The following RANBP2 variants were observed in gnomAD, a reference collection of about 807,000 sequenced individuals.
RANBP2 encodes the protein RAN binding protein 2.
Under a neutral mutation model 303.6 loss-of-function variants are expected in RANBP2, and 57 were observed. The observed-to-expected ratio is 0.19, with a 90% CI of 0.15 to 0.23. The LOEUF is 0.23. Ranked by LOEUF, RANBP2 falls within the 10% of genes least tolerant of loss-of-function variation. RANBP2 has a pLI of 1.00. For missense variants in RANBP2, 3,138 were observed against 3,780.8 expected (o/e 0.83, Z 4.46); for synonymous variants, 1,167 against 1,301.5 (o/e 0.90, Z 2.23).
intron 15 of RANBP2, 47 bp from the exon 16 acceptor site, chr2:108,754,858 G>A: frequency 6.2e-7 from 1 of 1,608,598 alleles, no homozygotes; most frequent in South Asian, 1.1e-5. Flanking sequence ...TTTACTTTTG[G>A]AATTTTTTGC....
the RANBP2 span, among the ~76,000 whole-genome samples, chr2:108,822,312 A>G: frequency 6.6e-6 from 1 of 152,220 alleles, no homozygotes; most frequent in South Asian, 2.1e-4. Flanking sequence ...ATTATAAAGC[A>G]AACATTGACA....
the RANBP2 span, among the ~76,000 whole-genome samples, chr2:109,480,741 C>T: frequency 6.6e-6 from 1 of 152,168 alleles, no homozygotes; most frequent in Non-Finnish European, 1.5e-5. Context: ...TCCTCTCCTC[C>T]TGGATCCCCT....
chr2:108,911,074 T>C, the RANBP2 span: 1 of 1,614,122 alleles, frequency 6.2e-7, no homozygotes, highest in Non-Finnish European at 8.5e-7. Flanking sequence ...CTGAGAGTTC[T>C]GTGGGTGGAG....
the RANBP2 span, among the ~76,000 whole-genome samples, chr2:108,988,055 A>G: frequency 6.6e-6 from 1 of 152,254 alleles, no homozygotes; most frequent in South Asian, 2.1e-4. Flanking sequence ...GGACTGGGGA[A>G]GAGGACGGTG....
the RANBP2 span, among the ~76,000 whole-genome samples, chr2:109,471,442 A>C: frequency 2.0e-5 from 3 of 152,154 alleles, no homozygotes; most frequent in Admixed American, 2.0e-4. Flanking sequence ...CTCACTCACT[A>C]TCACAAGAAC....
chr2:109,518,776 T>C, the RANBP2 span, among the ~76,000 whole-genome samples: 2 of 152,110 alleles, frequency 1.3e-5, no homozygotes, highest in Non-Finnish European at 2.9e-5. Context: ...TTTATTTGGC[T>C]CACAGTTCCA....
At chr2:109,699,156 C>A in the RANBP2 span, among the ~76,000 whole-genome samples, 17 of 152,298 alleles carry the variant, frequency 1.1e-4, no homozygotes, top group African/African-American at 3.8e-4. Context: ...TGCTCTCTGG[C>A]GATTCTTTCT....
chr2:108,782,192 G>A lies in RANBP2; in HGVS notation c.8825G>A (p.Arg2942Lys). 1 of 1,614,176 alleles carries A rather than the reference G, an allele frequency of 6.2e-7. No individual in the cohort carries two copies. Among genetic ancestry groups the A allele is most frequent in the Non-Finnish European group, 8.5e-7 (1 of 1,180,006 alleles). Residue 2942 changes from arginine (R) to lysine (K), a missense_variant, in exon 27 of 29, where the codon AGA becomes AAA. By Grantham distance (26) the Arg-to-Lys change is conservative. Transcript: ENST00000283195. Reference sequence around the variant, plus strand: ...TTTAAAGAGAGAGCCAAACTTTATAGATGGGATCGGGATGTCAGTCAGTGG... The same window carrying A: ...TTTAAAGAGAGAGCCAAACTTTATAAATGGGATCGGGATGTCAGTCAGTGG... Reference protein sequence around the residue: ...ILFKERAKLYRWDRDVSQWKE... With the variant: ...ILFKERAKLYKWDRDVSQWKE...
chr2:109,273,840 T>A, the RANBP2 span, among the ~76,000 whole-genome samples: 1 of 152,096 alleles, frequency 6.6e-6, no homozygotes, highest in South Asian at 2.1e-4. Context: ...TGCTGATTGC[T>A]TATAAAGGGG....
At chr2:109,720,236 T>C in the RANBP2 span, among the ~76,000 whole-genome samples, 15 of 151,880 alleles carry the variant, frequency 9.9e-5, no homozygotes, top group East Asian at 1.9e-4. Flanking sequence ...TATATATATA[T>C]ACACACACAT....
At chr2:108,785,872 G>T (rs2149342486), downstream of RANBP2, 1 of 152,286 alleles carries the variant, frequency 6.6e-6, no homozygotes, top group East Asian at 1.9e-4. Context: ...AATAACTGCT[G>T]AAGTACAGAT....
the RANBP2 span, among the ~76,000 whole-genome samples, chr2:109,228,762 C>T: frequency 2.6e-5 from 4 of 152,222 alleles, no homozygotes; most frequent in African/African-American, 9.6e-5. Context: ...CAGGGGCTTC[C>T]GTCTCTGTGG....
At chr2:108,860,616 G>C in the RANBP2 span, among the ~76,000 whole-genome samples, 1 of 151,468 alleles carries the variant, frequency 6.6e-6, no homozygotes, top group Non-Finnish European at 1.5e-5. Context: ...ACTGATTTGC[G>C]TATATTGAAT....
chr2:109,704,576 G>A, the RANBP2 span, among the ~76,000 whole-genome samples: 6 of 151,792 alleles, frequency 4.0e-5, no homozygotes, highest in African/African-American at 1.2e-4. Flanking sequence ...TAAGCCAGGC[G>A]TGGTGGCTCA....
At chr2:108,757,391 G>T (rs1315827175) in intron 17 of RANBP2, among the ~76,000 whole-genome samples, 21 of 152,160 alleles carry the variant, frequency 1.4e-4, no homozygotes, top group African/African-American at 1.9e-4. Flanking sequence ...GTCAGATCTG[G>T]TTCAAATTCC....
chr2:109,382,227 C>T, the RANBP2 span, among the ~76,000 whole-genome samples: 2 of 152,138 alleles, frequency 1.3e-5, no homozygotes, highest in African/African-American at 4.8e-5. Context: ...CATGCCAGCA[C>T]ATAGGTAACT....
chr2:109,493,131 T>C, the RANBP2 span, among the ~76,000 whole-genome samples: 223 of 98,670 alleles, frequency 2.3e-3, 2 homozygotes, highest in African/African-American at 7.8e-3. Context: ...TAAACACACA[T>C]ACCCCACATA....
In RANBP2 at chr2:108,753,816, T is replaced by C. The variant is rs1164901760; in HGVS notation, c.2056-9T>C. On this transcript the variant is annotated splice_polypyrimidine_tract_variant and intron_variant, in intron 14 of 28. Transcript: ENST00000283195. ...ACCTAATGATTTCATAAAAGCACTA[T>C]TTGTATAGATTTTTCACAGGAAGGC... The C allele has an allele frequency of 1.2e-6, 2 of 1,611,934 alleles. No homozygotes were observed. The highest frequency in any genetic ancestry group is 2.7e-5 in the African/African-American group (2 of 74,962).
chr2:108,764,743 G>C lies in RANBP2; in HGVS notation c.4204G>C (p.Glu1402Gln). Residue 1402 changes from glutamate to glutamine, a missense_variant, in exon 20 of 29, where the codon GAG (glutamate) becomes CAG (glutamine). Around this residue, in one of 20 missense-constraint regions of RANBP2, gnomAD observed 388 missense variants for 328.5 expected, o/e 1.18. Transcript: ENST00000283195. ...ETVFTPKTSP[E>Q]NVQDRFALVT... ...TGTTTTTACTCCTAAAACCAGCCCA[G>C]AGAATGTTCAAGATCGATTTGCATT... 6.2e-7 allele frequency: 1 copy of C among 1,614,058 alleles called. No individual in the cohort carries two copies. Among genetic ancestry groups the C allele is most frequent in the Non-Finnish European group, 8.5e-7 (1 of 1,179,984 alleles).
Sources: allele counts gnomAD v4.1 joint callset (sites outside exome capture counted in the v4.1 genomes callset), GRCh38; gene constraint gnomAD v4.1.1; regional missense constraint gnomAD v4.1.1; transcripts MANE v1.5; gene names NCBI Gene and HGNC (gene_info 2026-07-23, HGNC 2026-07-21).